The following OPN4 variants were observed in gnomAD, a reference collection of about 807,000 sequenced individuals.
OPN4 encodes the protein melanopsin.
OPN4 carries 43 observed loss-of-function variants against 49.5 expected under a neutral mutation model. That is an observed-to-expected ratio of 0.87 (90% CI 0.68 to 1.12). OPN4 has a LOEUF of 1.12. Among genes scored for constraint, OPN4 ranks in the 50% most tolerant of loss-of-function variants. The probability of loss-of-function intolerance (pLI) is 0.00; values close to 1 mark genes in which losing one functional copy is unlikely to be tolerated. For synonymous variants in OPN4, 263 were observed against 258.0 expected (o/e 1.02, Z -0.19); for missense variants, 657 against 643.9 (o/e 1.02, Z -0.22).
intron 3 of OPN4, 98 bp from the exon 4 acceptor site, chr10:86,658,386 C>T (rs1249174291): frequency 1.4e-5 from 19 of 1,381,992 alleles, no homozygotes; most frequent in East Asian, 2.5e-5. Flanking sequence ...GTGGAGTGCG[C>T]TCAGTCCTGC....
In OPN4 at chr10:86,659,953, C is replaced by A. The variant is rs142548175; in HGVS notation, c.859C>A (p.Arg287=). 2 of 1,614,172 alleles carry A rather than the reference C, an allele frequency of 1.2e-6. No individual in the cohort carries two copies. The highest frequency in any genetic ancestry group is 1.7e-6 in the Non-Finnish European group (2 of 1,180,024). Residue 287 remains arginine (R), a synonymous_variant, in exon 6 of 10, where the codon CGG becomes AGG. Transcript: ENST00000241891. ...TGGCGAGTCCCTGTGGCAGCGGCAGCGGCTGCAGAGCGAGTGCAAGATGGC... is the reference window on the plus strand; with the variant it reads ...TGGCGAGTCCCTGTGGCAGCGGCAGAGGCTGCAGAGCGAGTGCAAGATGGC... ...GNGESLWQRQ[R]LQSECKMAKI...
chr10:86,664,503 G>A (rs36064638), intron 9 of OPN4, among the ~76,000 whole-genome samples: 4 of 152,102 alleles, frequency 2.6e-5, no homozygotes, highest in East Asian at 1.9e-4. Flanking sequence ...TGGAAATGTC[G>A]TGTGCACAGG....
In OPN4 at chr10:86,659,911, G is replaced by C; in HGVS notation, c.817G>C (p.Gly273Arg). The change falls in exon 6 of 10, where the codon GGG becomes CGG. Residue 273 changes from glycine (G) to arginine (R), a missense_variant. Coordinates refer to ENST00000241891, the MANE Select transcript of OPN4 (RefSeq NM_033282.4). ...RETGRALQTF[G>R]ACKGNGESLW... ...CCTTCCTAGGGCTCTCCAGACCTTC[G>C]GGGCCTGCAAGGGCAATGGCGAGTC... is the stretch of plus-strand genomic sequence containing the variant. The C allele has an allele frequency of 1.2e-6, 2 of 1,614,074 alleles. No homozygotes were observed. Among genetic ancestry groups the C allele is most frequent in the Non-Finnish European group, 8.5e-7 (1 of 1,180,014 alleles).
intron 3 of OPN4, 121 bp downstream of exon 3, chr10:86,658,286 C>T: frequency 7.3e-7 from 1 of 1,376,042 alleles, no homozygotes. Flanking sequence ...TGGGTAGCTG[C>T]CCTCAGTCCT....
rs999704770 is a variant in OPN4 at position 86,658,623 on chromosome 10, A to C, written c.564A>C (p.Ala188=). ...TFGVASKRRA[A]FVLLGVWLYA... is the part of the protein sequence containing the mutation. ...GTGTGGCGTCCAAGAGGCGTGCGGC[A>C]TTTGTCCTGCTGGGCGTTTGGCTCT... Residue 188 remains alanine (A), a synonymous_variant, in exon 4 of 10, where the codon GCA becomes GCC. Coordinates refer to ENST00000241891, the MANE Select transcript of OPN4 (RefSeq NM_033282.4). 30 of 1,613,950 alleles carry C rather than the reference A, an allele frequency of 1.9e-5. No individual in the cohort carries two copies. Among genetic ancestry groups the C allele is most frequent in the African/African-American group, 2.7e-5 (2 of 74,918 alleles).
rs781525813 is a variant in OPN4, at chr10:86,659,916, C to A, written c.822C>A (p.Ala274=). The A allele has an allele frequency of 6.2e-7, 1 of 1,614,212 alleles. No homozygotes were observed. Among genetic ancestry groups the A allele is most frequent in the Non-Finnish European group, 8.5e-7 (1 of 1,180,038 alleles). Residue 274 remains alanine (A), a synonymous_variant, in exon 6 of 10, where the codon GCC becomes GCA. Transcript: ENST00000241891. ...CTAGGGCTCTCCAGACCTTCGGGGCCTGCAAGGGCAATGGCGAGTCCCTGT... is the reference window on the plus strand; with the variant it reads ...CTAGGGCTCTCCAGACCTTCGGGGCATGCAAGGGCAATGGCGAGTCCCTGT... ...ETGRALQTFG[A]CKGNGESLWQ... is the part of the protein sequence containing the mutation.
At position 86,654,835 on chromosome 10, in the gene OPN4, A is replaced by G. The variant is rs1210246834; in HGVS notation, c.52A>G (p.Ser18Gly). 3.1e-6 allele frequency: 4 copies of G among 1,279,094 alleles called. No individual in the cohort carries two copies. Among genetic ancestry groups the G allele is most frequent in the Non-Finnish European group, 4.3e-6 (4 of 923,590 alleles). 79.2% of individuals were successfully genotyped at this position (1,279,094 alleles called of 1,614,324 possible). A position where few individuals can be genotyped will look rare whatever the true frequency, so the allele number is the denominator to read the frequency against. ...RVPPSPTQEP[S>G]CMATPAPPSW... is the part of the protein sequence containing the mutation. ...CCCGCCCAGCCCAACCCAAGAGCCC[A>G]GCTGCATGGCCACCCCAGCACCACC... Residue 18 changes from serine (S) to glycine (G), a missense_variant, in exon 1 of 10, where the codon AGC becomes GGC. Physicochemically the swap from Ser to Gly is moderately conservative, Grantham distance 56. Transcript: ENST00000241891.
Position 86,658,143 on chromosome 10 carries a change from G to A in OPN4, c.402G>A (p.Lys134=), listed in dbSNP as rs1405346732. Residue 134 remains lysine, a synonymous_variant, in exon 3 of 10, where the codon AAG becomes AAA. Coordinates refer to ENST00000241891, the MANE Select transcript of OPN4 (RefSeq NM_033282.4). ...APVFFTSSLY[K]QWLFGETGCE... Reference sequence around the variant, plus strand: ...TCTTCTTCACCAGTAGCCTCTATAAGCAGTGGCTCTTTGGGGAGACAGGTA... The same window carrying A: ...TCTTCTTCACCAGTAGCCTCTATAAACAGTGGCTCTTTGGGGAGACAGGTA... 6.2e-7 allele frequency: 1 copy of A among 1,613,928 alleles called. No individual in the cohort carries two copies.
chr10:86,662,165 T>G (rs1159913071), intron 7 of OPN4, 87 bp from the exon 8 acceptor site: 13 of 1,176,398 alleles, frequency 1.1e-5, no homozygotes, highest in Non-Finnish European at 1.6e-5. Flanking sequence ...CACCGCACAT[T>G]AGGCCTGTAC....
At chr10:86,664,494 G>A (rs2675694) in intron 9 of OPN4, among the ~76,000 whole-genome samples, 4,546 of 152,246 alleles carry the variant, frequency 0.03, 172 homozygotes, top group Admixed American at 0.11. Context: ...CTGGAACACT[G>A]GAAATGTCGT....
At chr10:86,664,831 G>T (rs1353581778) in intron 9 of OPN4, among the ~76,000 whole-genome samples, 1 of 152,218 alleles carries the variant, frequency 6.6e-6, no homozygotes, top group African/African-American at 2.4e-5. Context: ...TGACCCCCAG[G>T]CTGGCCAGGC....
intron 9 of OPN4, among the ~76,000 whole-genome samples, chr10:86,665,358 G>A (rs1844129821): frequency 6.6e-6 from 1 of 152,082 alleles, no homozygotes; most frequent in Non-Finnish European, 1.5e-5. Context: ...GTGCTGCAGG[G>A]CAGGAAAGGG....
Position 86,659,379 on chromosome 10 carries a change from G to T in OPN4, c.711G>T (p.Met237Ile), listed in dbSNP as rs769421694. 1 of 1,614,058 alleles carries T rather than the reference G, an allele frequency of 6.2e-7. No individual in the cohort carries two copies. The highest frequency in any genetic ancestry group is 1.7e-5 in the Admixed American group (1 of 60,030). Residue 237 changes from methionine (M) to isoleucine (I), a missense_variant, in exon 5 of 10, where the codon ATG (methionine) becomes ATT (isoleucine). Transcript: ENST00000241891. ...CGCCGGCCGTGCGTGCCTACACCAT[G>T]CTTCTCTGCTGCTTCGTGTTCTTCC... Reference protein sequence around the residue: ...SFTPAVRAYTMLLCCFVFFLP... With the variant: ...SFTPAVRAYTILLCCFVFFLP...
chr10:86,654,661 G>T lies in OPN4; in HGVS notation c.-123G>T, dbSNP rs532500049. ...TGCGCCGGACACAGGAGAAAGCAGC[G>T]GGTAGGCTAAGCAGGGGTGCTGAGG... On this transcript the variant is annotated 5_prime_UTR_variant, in exon 1 of 10. Coordinates refer to ENST00000241891, the MANE Select transcript of OPN4 (RefSeq NM_033282.4). 1.5e-6 allele frequency: 2 copies of T among 1,362,900 alleles called. No individual in the cohort carries two copies. Among genetic ancestry groups the T allele is most frequent in the South Asian group, 2.7e-5 (2 of 73,248 alleles). 84.4% of individuals were successfully genotyped at this position (1,362,900 alleles called of 1,614,324 possible).
At chr10:86,655,079 C>T (rs1843834017) in intron 1 of OPN4, 152 bp downstream of exon 1, 2 of 752,370 alleles carry the variant, frequency 2.7e-6, no homozygotes, top group South Asian at 1.9e-5. Context: ...TCTGAGCCCG[C>T]CCCTGATAAA....
intron 9 of OPN4, among the ~76,000 whole-genome samples, chr10:86,664,887 G>A (rs143757791): frequency 1.3e-5 from 2 of 152,164 alleles, no homozygotes; most frequent in Non-Finnish European, 2.9e-5. Context: ...AGGCTCAGGG[G>A]GGTTGCTGGG....
At chr10:86,655,903 T>C (rs1843850159) in intron 1 of OPN4, among the ~76,000 whole-genome samples, 1 of 152,150 alleles carries the variant, frequency 6.6e-6, no homozygotes, top group Non-Finnish European at 1.5e-5. Flanking sequence ...CCTACCAGCC[T>C]CCAGCAGGTG....
intron 8 of OPN4, 87 bp downstream of exon 8, chr10:86,662,519 C>T: frequency 7.6e-7 from 1 of 1,317,304 alleles, no homozygotes. Flanking sequence ...TAGGCCCTGG[C>T]AGGGCTGCCT....
rs376580954 is a variant in OPN4 at position 86,663,757 on chromosome 10, G to A, written c.1353G>A (p.Lys451=). Reference sequence around the variant, plus strand: ...AGGGTCTGGAGGACTTGGAAGCCAAGGCACCCCCCAGACCCCAGGGACACG... The same window carrying A: ...AGGGTCTGGAGGACTTGGAAGCCAAAGCACCCCCCAGACCCCAGGGACACG... ...YGQGLEDLEA[K]APPRPQGHEA... is the part of the protein sequence containing the mutation. The change falls in exon 9 of 10, where the codon AAG becomes AAA. Residue 451 remains lysine (K), a synonymous_variant. Coordinates refer to ENST00000241891, the MANE Select transcript of OPN4 (RefSeq NM_033282.4). 121 of 1,565,476 alleles carry A rather than the reference G, an allele frequency of 7.7e-5. 1 individual carries two copies. Among genetic ancestry groups the A allele is most frequent in the Non-Finnish European group, 8.3e-5 (96 of 1,155,418 alleles).
Sources: gnomAD v4.1 joint callset for allele counts (sites outside exome capture counted in the v4.1 genomes callset) on GRCh38, gnomAD v4.1.1 for gene constraint, MANE v1.5 for transcripts, NCBI Gene and HGNC (gene_info 2026-07-23, HGNC 2026-07-21) for gene names.